AGBL1: variants seen among roughly 807,000 people sequenced by gnomAD.
AGBL1 encodes AGBL carboxypeptidase 1, also known as cytosolic carboxypeptidase 4.
In AGBL1, 130 loss-of-function variants were observed where a neutral mutation model predicts 118.9. The ratio of observed to expected loss-of-function variants is 1.09; its 90% CI spans 0.95 to 1.26. The LOEUF (loss-of-function observed/expected upper bound fraction) is 1.26, where lower values mean the gene tolerates loss of function less well. AGBL1 is among the 50% of genes most tolerant of loss of function. The pLI is 0.00. For missense variants in AGBL1, 1,584 were observed against 1,298.1 expected (o/e 1.22, Z -3.38); for synonymous variants, 555 against 478.9 (o/e 1.16, Z -2.08).
chr15:86,674,290 C>T lies in AGBL1; in HGVS notation c.3012C>T (p.Thr1004=). The T allele has an allele frequency of 6.2e-7, 1 of 1,611,108 alleles. No individual in the cohort carries two copies. Among genetic ancestry groups the T allele is most frequent in the Non-Finnish European group, 8.5e-7 (1 of 1,178,530 alleles). The change falls in exon 22 of 23, where the codon ACC becomes ACT. Residue 1004 remains threonine, a synonymous_variant. Transcript: ENST00000614907. ...QGPYQGLQFG[T]RELEEMGAMF... is the part of the protein sequence containing the mutation. Reference sequence around the variant, plus strand: ...ACTGGCAGGGTCTACAGTTTGGTACCAGAGAACTGGAGGAGATGGGAGCCA... The same window carrying T: ...ACTGGCAGGGTCTACAGTTTGGTACTAGAGAACTGGAGGAGATGGGAGCCA...
intron 21 of AGBL1, among the ~76,000 whole-genome samples, chr15:86,644,648 A>G (rs1456579612): frequency 6.6e-6 from 1 of 151,940 alleles, no homozygotes; most frequent in African/African-American, 2.4e-5. Context: ...AAAAAAAAAA[A>G]AAAATCAATA....
At chr15:86,210,170 C>G (rs1185884050) in intron 5 of AGBL1, among the ~76,000 whole-genome samples, 1 of 152,210 alleles carries the variant, frequency 6.6e-6, no homozygotes, top group Non-Finnish European at 1.5e-5. Context: ...TGTAGAGTTT[C>G]TGCCAGGAGA....
At chr15:86,938,436 C>T (rs1480987546) in intron 23 of AGBL1, among the ~76,000 whole-genome samples, 1 of 152,170 alleles carries the variant, frequency 6.6e-6, no homozygotes, top group African/African-American at 2.4e-5. Flanking sequence ...AATTGCCTAC[C>T]TCCCTGATCT....
At chr15:86,133,284 C>G (rs2076842791) in intron 1 of AGBL1, among the ~76,000 whole-genome samples, 2 of 152,226 alleles carry the variant, frequency 1.3e-5, no homozygotes, top group Admixed American at 6.5e-5. Flanking sequence ...ATACTAGCCT[C>G]TTTTGCCCTG....
intron 22 of AGBL1, among the ~76,000 whole-genome samples, chr15:86,903,000 G>A (rs1490678735): frequency 6.6e-6 from 1 of 151,862 alleles, no homozygotes; most frequent in Non-Finnish European, 1.5e-5. Context: ...TACCTTCACA[G>A]CCTCTCTTCT....
At chr15:86,490,877 T>C (rs960054752) in intron 18 of AGBL1, among the ~76,000 whole-genome samples, 1 of 152,166 alleles carries the variant, frequency 6.6e-6, no homozygotes, top group African/African-American at 2.4e-5. Context: ...CAATTTGTTC[T>C]GTAACTTCTG....
intron 18 of AGBL1, among the ~76,000 whole-genome samples, chr15:86,449,792 G>A (rs576667906): frequency 4.6e-5 from 7 of 152,270 alleles, no homozygotes; most frequent in South Asian, 2.1e-4. Flanking sequence ...TGTTGCATGC[G>A]TGCCTGTGAG....
At chr15:86,580,529 A>G (rs1328534286) in intron 21 of AGBL1, among the ~76,000 whole-genome samples, 1 of 152,068 alleles carries the variant, frequency 6.6e-6, no homozygotes, top group Non-Finnish European at 1.5e-5. Flanking sequence ...ACTAGTACTC[A>G]GTCTGTACAT....
intron 16 of AGBL1, among the ~76,000 whole-genome samples, chr15:86,292,567 G>A (rs1233303445): frequency 3.3e-5 from 5 of 152,178 alleles, no homozygotes; most frequent in African/African-American, 9.7e-5. Context: ...ACTTGACAAA[G>A]GAGAAAGAAT....
At chr15:86,417,358 T>C (rs1370345473) in intron 18 of AGBL1, among the ~76,000 whole-genome samples, 3 of 152,224 alleles carry the variant, frequency 2.0e-5, no homozygotes, top group Admixed American at 2.0e-4. Context: ...TAAGAATCTG[T>C]AGTTTCTTCA....
chr15:86,153,529 G>A lies in AGBL1; in HGVS notation c.263-901G>A, dbSNP rs552370121. On this transcript the variant is annotated intron_variant, in intron 3 of 22. Coordinates refer to ENST00000614907, the MANE Select transcript of AGBL1 (RefSeq NM_001386094.1). ...TGTCGTGGGGTGGGGGGCAGGGGGAGGGATAGCATTAGGAGAAATACCTAA... is the reference window on the plus strand; with the variant it reads ...TGTCGTGGGGTGGGGGGCAGGGGGAAGGATAGCATTAGGAGAAATACCTAA... Among the ~76,000 whole-genome samples the A allele has an allele frequency of 4.6e-5, 7 of 152,170 alleles. No homozygotes were observed. In the East Asian group the frequency reaches 1.2e-3, roughly 25 times the overall value.
intron 22 of AGBL1, among the ~76,000 whole-genome samples, chr15:86,806,275 C>A (rs918963707): frequency 1.3e-5 from 2 of 152,154 alleles, no homozygotes; most frequent in Non-Finnish European, 2.9e-5. Context: ...TCCACCACTT[C>A]AGACTGACTC....
intron 18 of AGBL1, among the ~76,000 whole-genome samples, chr15:86,458,115 C>T (rs565178750): frequency 6.6e-6 from 1 of 152,150 alleles, no homozygotes; most frequent in African/African-American, 2.4e-5. Flanking sequence ...GATAACAAGG[C>T]TCAGAAGGCT....
At chr15:86,301,486 A>T (rs1416561687) in intron 17 of AGBL1, among the ~76,000 whole-genome samples, 1 of 151,900 alleles carries the variant, frequency 6.6e-6, no homozygotes, top group Non-Finnish European at 1.5e-5. Flanking sequence ...AGTTCTCTCC[A>T]TGGAAATCTT....
At chr15:86,721,150 G>C (rs867365342) in intron 22 of AGBL1, among the ~76,000 whole-genome samples, 2 of 152,140 alleles carry the variant, frequency 1.3e-5, no homozygotes, top group Non-Finnish European at 2.9e-5. Context: ...CTCATTTAAT[G>C]AGGCCAGCAT....
At chr15:86,585,871 C>T (rs190503755) in intron 21 of AGBL1, among the ~76,000 whole-genome samples, 1 of 152,130 alleles carries the variant, frequency 6.6e-6, no homozygotes, top group African/African-American at 2.4e-5. Flanking sequence ...AAATTCATAA[C>T]AATGGTGAGA....
At chr15:86,635,967 G>A (rs778947206) in intron 21 of AGBL1, among the ~76,000 whole-genome samples, 16 of 152,068 alleles carry the variant, frequency 1.1e-4, no homozygotes, top group Non-Finnish European at 1.5e-4. Context: ...TCTAATGGTG[G>A]GATGGTAGCC....
At chr15:86,876,038 A>G (rs1187757611) in intron 22 of AGBL1, among the ~76,000 whole-genome samples, 1 of 152,216 alleles carries the variant, frequency 6.6e-6, no homozygotes, top group Admixed American at 6.5e-5. Context: ...TTTGTCATAA[A>G]TGCTGGGGTC....
intron 18 of AGBL1, among the ~76,000 whole-genome samples, chr15:86,517,348 T>G (rs1374479775): frequency 6.6e-6 from 1 of 152,250 alleles, no homozygotes; most frequent in Non-Finnish European, 1.5e-5. Flanking sequence ...GACTCAGGGT[T>G]GGGACTAGAG....
Sources: gnomAD v4.1 joint callset for allele counts (sites outside exome capture counted in the v4.1 genomes callset) on GRCh38, gnomAD v4.1.1 for gene constraint, MANE v1.5 for transcripts, NCBI Gene and HGNC (gene_info 2026-07-23, HGNC 2026-07-21) for gene names.